Variants in PARD3 observed in about 807,000 individuals in gnomAD.
The protein encoded by PARD3 is par-3 family cell polarity regulator, also known as partitioning defective 3 homolog.
PARD3 carries 75 observed loss-of-function variants against 155.4 expected under a neutral mutation model. The ratio of observed to expected loss-of-function variants is 0.48; its 90% CI spans 0.40 to 0.58. The LOEUF is 0.58. Among genes scored for constraint, PARD3 ranks in the 20% least tolerant of loss-of-function variants. The pLI is 0.00. For missense variants in PARD3, 1,642 were observed against 1,721.7 expected (o/e 0.95, Z 0.82); for synonymous variants, 576 against 610.5 (o/e 0.94, Z 0.83).
At chr10:34,429,731 G>T (rs2075808373) in intron 5 of PARD3, among the ~76,000 whole-genome samples, 1 of 152,026 alleles carries the variant, frequency 6.6e-6, no homozygotes, top group Admixed American at 6.6e-5. Flanking sequence ...GATTACAGAT[G>T]CCCATCAACA....
chr10:34,728,467 C>A (rs1460331763), intron 1 of PARD3, among the ~76,000 whole-genome samples: 4 of 152,118 alleles, frequency 2.6e-5, no homozygotes, highest in Admixed American at 6.5e-5. Context: ...AAAAAAAACA[C>A]CAAACCTCTC....
intron 5 of PARD3, among the ~76,000 whole-genome samples, chr10:34,415,558 T>C (rs539261429): frequency 6.6e-6 from 1 of 152,276 alleles, no homozygotes; most frequent in African/African-American, 2.4e-5. Flanking sequence ...TATCAATCAA[T>C]GAATTTATAG....
chr10:34,164,343 G>A (rs2582847), intron 22 of PARD3, among the ~76,000 whole-genome samples: 30,465 of 152,184 alleles, frequency 0.2, 3,855 homozygotes, highest in Non-Finnish European at 0.26. Flanking sequence ...GCAACTGTAT[G>A]CAACTTCTGA....
chr10:34,347,671 G>A (rs1024417048), intron 15 of PARD3, among the ~76,000 whole-genome samples: 2 of 152,092 alleles, frequency 1.3e-5, no homozygotes, highest in Admixed American at 6.6e-5. Flanking sequence ...TCTCAAGTAA[G>A]TAAAGAATAT....
At chr10:34,633,953 A>G (rs181302036) in intron 2 of PARD3, among the ~76,000 whole-genome samples, 396 of 152,284 alleles carry the variant, frequency 2.6e-3, no homozygotes, top group Non-Finnish European at 4.0e-3. Flanking sequence ...GAAGGCCATT[A>G]GCGTCCATTT....
At chr10:34,432,723 G>A (rs896593554) in intron 5 of PARD3, among the ~76,000 whole-genome samples, 1 of 152,162 alleles carries the variant, frequency 6.6e-6, no homozygotes, top group Non-Finnish European at 1.5e-5. Flanking sequence ...CTTCACCCAT[G>A]TTGAATCTGA....
At chr10:34,738,000 C>A (rs909889242) in intron 1 of PARD3, among the ~76,000 whole-genome samples, 2 of 152,166 alleles carry the variant, frequency 1.3e-5, no homozygotes, top group Non-Finnish European at 2.9e-5. Context: ...CAGATGGGGG[C>A]GTCTTGCTGA....
intron 5 of PARD3, among the ~76,000 whole-genome samples, chr10:34,442,524 C>T (rs1054679460): frequency 3.3e-5 from 5 of 152,196 alleles, no homozygotes; most frequent in South Asian, 2.1e-4. Flanking sequence ...GCTACGCATT[C>T]GAGGCCAACC....
intron 5 of PARD3, among the ~76,000 whole-genome samples, chr10:34,441,852 T>C (rs906294889): frequency 1.3e-5 from 2 of 152,192 alleles, no homozygotes; most frequent in African/African-American, 2.4e-5. Flanking sequence ...CACAACAAAA[T>C]AATCTGCTAC....
chr10:34,405,079 AACACACACACAC>A (rs200596601), intron 5 of PARD3, among the ~76,000 whole-genome samples: 9 of 59,418 alleles, frequency 1.5e-4, no homozygotes, highest in Admixed American at 2.8e-4. Flanking sequence ...CACAAACACA[AACACACACACAC>A]ACACACACAC....
At chr10:34,578,410 G>A (rs1219462352) in intron 2 of PARD3, among the ~76,000 whole-genome samples, 1 of 152,078 alleles carries the variant, frequency 6.6e-6, no homozygotes, top group Admixed American at 6.6e-5. Flanking sequence ...GGCATAAATG[G>A]GTTAGAACAT....
chr10:34,360,973 T>C (rs903446242), intron 12 of PARD3, among the ~76,000 whole-genome samples: 3 of 152,336 alleles, frequency 2.0e-5, no homozygotes, highest in Middle Eastern at 3.4e-3. Flanking sequence ...ATTTAGGATA[T>C]ACAAATTATT....
At chr10:34,595,766 AAC>A (rs1238609032) in intron 2 of PARD3, among the ~76,000 whole-genome samples, 1 of 152,200 alleles carries the variant, frequency 6.6e-6, no homozygotes, top group African/African-American at 2.4e-5. Flanking sequence ...GTTAAAAAAA[AAC>A]ACTCTGTCAC....
intron 3 of PARD3, among the ~76,000 whole-genome samples, chr10:34,495,060 C>CA (rs1221801767): frequency 6.6e-6 from 1 of 152,044 alleles, no homozygotes; most frequent in Non-Finnish European, 1.5e-5. Flanking sequence ...GAAGACAACA[C>CA]AATGGTTGAG....
rs72781604 is a variant in PARD3 at position 34,629,982 on chromosome 10, G to A, written c.222+66336C>T. On this transcript the variant is annotated intron_variant, in intron 2 of 24. Transcript: ENST00000374788. ...AAACACACAAAGAATACATGCAGCT[G>A]TCCCCAACTGTGGTCAGCGAAACAC... 1.4e-3 allele frequency among the ~76,000 whole-genome samples: 208 copies of A among 152,256 alleles called. 1 individual carries two copies. Among genetic ancestry groups the A allele is most frequent in the Admixed American group, 2.3e-3 (35 of 15,290 alleles).
At chr10:34,145,229 T>TC (rs1948446474) in intron 22 of PARD3, among the ~76,000 whole-genome samples, 1 of 117,222 alleles carries the variant, frequency 8.5e-6, no homozygotes, top group East Asian at 2.0e-4. Flanking sequence ...ATATTTTTTT[T>TC]TTTTTTTTTT....
chr10:34,800,941 G>A (rs865983484), intron 1 of PARD3, among the ~76,000 whole-genome samples: 6 of 152,102 alleles, frequency 3.9e-5, no homozygotes, highest in South Asian at 4.2e-4. Flanking sequence ...ACTTCTCATC[G>A]GTAAAGAAAC....
At chr10:34,180,336 C>T (rs1018612341) in intron 22 of PARD3, among the ~76,000 whole-genome samples, 2 of 152,172 alleles carry the variant, frequency 1.3e-5, no homozygotes, top group African/African-American at 4.8e-5. Context: ...TGAGCCAATG[C>T]GCCTGGACCC....
intron 2 of PARD3, among the ~76,000 whole-genome samples, chr10:34,537,472 C>A (rs2083303156): frequency 6.6e-6 from 1 of 152,228 alleles, no homozygotes. Context: ...CAGGATGCAT[C>A]TGCCAAAGCC....
Sources: gnomAD v4.1 joint callset for allele counts (sites outside exome capture counted in the v4.1 genomes callset) on GRCh38, gnomAD v4.1.1 for gene constraint, MANE v1.5 for transcripts, NCBI Gene and HGNC (gene_info 2026-07-23, HGNC 2026-07-21) for gene names.